Variants in KLHL15 observed in about 807,000 individuals in gnomAD.
KLHL15 encodes the protein kelch-like protein 15.
In KLHL15, 1 loss-of-function variant was observed where a neutral mutation model predicts 29.3. That is an observed-to-expected ratio of 0.03 (90% CI 0.01 to 0.16). KLHL15 has a LOEUF of 0.16. KLHL15 is among the 10% of genes least tolerant of loss of function. KLHL15 has a pLI of 1.00. For synonymous variants in KLHL15, 212 were observed against 184.5 expected, an observed-to-expected ratio of 1.15 and a Z score of -1.21; for missense variants, 215 against 478.5, an observed-to-expected ratio of 0.45 and a Z score of 5.14.
At chrX:24,026,944 A>G (rs1157310136) in intron 1 of KLHL15, among the ~76,000 whole-genome samples, 196 bp downstream of exon 1, 1 of 112,521 alleles carries the variant, frequency 8.9e-6, no homozygotes, top group Non-Finnish European at 1.9e-5. Context: ...ATCTATTACT[A>G]CATGACAAAT....
At chrX:24,025,486 C>G (rs917882582) in intron 1 of KLHL15, among the ~76,000 whole-genome samples, 1 of 104,253 alleles carries the variant, frequency 9.6e-6, no homozygotes, top group African/African-American at 3.5e-5. Context: ...AGTGCGCTGT[C>G]GTCTTGACGC....
chrX:24,017,779 CAAAAAAAAAAAA>C (rs531099917), intron 2 of KLHL15, among the ~76,000 whole-genome samples: 4 of 42,526 alleles, frequency 9.4e-5, no homozygotes, highest in Non-Finnish European at 1.3e-4. Flanking sequence ...GACCATGTCC[CAAAAAAAAAAAA>C]AAAAAAAAAA....
chrX:24,019,239 G>A (rs1160041269), intron 2 of KLHL15, among the ~76,000 whole-genome samples: 1 of 111,484 alleles, frequency 9.0e-6, no homozygotes. Context: ...ATGTTATTTA[G>A]GTTACCATGT....
At chrX:24,001,999 G>A (rs1414094446) in intron 3 of KLHL15, among the ~76,000 whole-genome samples, 4 of 107,508 alleles carry the variant, frequency 3.7e-5, no homozygotes, top group Admixed American at 1.0e-4. Flanking sequence ...CGGGCGTGGT[G>A]GCGGGCGCCT....
At chrX:24,003,647 ATGTG>A (rs10693389) in intron 3 of KLHL15, among the ~76,000 whole-genome samples, 17,743 of 96,334 alleles carry the variant, frequency 0.18, 1,387 homozygotes, top group South Asian at 0.5. Context: ...GCATAAATAT[ATGTG>A]TGTGTGTGTG....
intron 2 of KLHL15, among the ~76,000 whole-genome samples, chrX:24,017,583 C>T (rs952364071): frequency 3.7e-5 from 4 of 109,110 alleles, no homozygotes; most frequent in African/African-American, 1.0e-4. Flanking sequence ...GAGTTCGAGG[C>T]CAGCATGGGC....
chrX:24,019,376 C>T (rs1186703239), intron 2 of KLHL15, among the ~76,000 whole-genome samples: 1 of 111,038 alleles, frequency 9.0e-6, no homozygotes, highest in Non-Finnish European at 1.9e-5. Context: ...CTGCCTCAGC[C>T]TCCTGAGTAG....
chrX:24,007,731 A>T (rs1471572097), intron 2 of KLHL15, among the ~76,000 whole-genome samples: 1 of 109,538 alleles, frequency 9.1e-6, no homozygotes, highest in Non-Finnish European at 1.9e-5. Context: ...AAATTTACCT[A>T]AAGGAAATAT....
chrX:23,993,046 T>C lies in KLHL15; in HGVS notation c.706-4016A>G, dbSNP rs978467486. 4.5e-5 allele frequency among the ~76,000 whole-genome samples: 4 copies of C among 88,156 alleles called. No individual in the cohort carries two copies. The Admixed American group carries it at 4.8e-4, about 11-fold the overall frequency. 76.6% of individuals were successfully genotyped at this position (88,156 alleles called of 115,157 possible). A position where few individuals can be genotyped will look rare whatever the true frequency, so the allele number is the denominator to read the frequency against. ...GAAACAACCCTACTCCTGTTTGATT[T>C]CCATTCTTAGCTAATGTCTTATGCC... On this transcript the variant is annotated intron_variant, in intron 3 of 3. Transcript: ENST00000328046.
At chrX:24,022,564 G>T (rs1290495231) in intron 2 of KLHL15, among the ~76,000 whole-genome samples, 1 of 106,344 alleles carries the variant, frequency 9.4e-6, no homozygotes, top group Non-Finnish European at 1.9e-5. Context: ...AGGCCGGGAG[G>T]TGGAGGTTCC....
chrX:23,994,618 A>C (rs745630187), intron 3 of KLHL15, among the ~76,000 whole-genome samples: 11 of 112,024 alleles, frequency 9.8e-5, no homozygotes, highest in Non-Finnish European at 1.7e-4. Context: ...GTACTCTCAA[A>C]GAGGTATGGA....
At chrX:24,016,224 C>T (rs1300543936) in intron 2 of KLHL15, among the ~76,000 whole-genome samples, 1 of 102,640 alleles carries the variant, frequency 9.7e-6, no homozygotes, top group Non-Finnish European at 2.0e-5. Flanking sequence ...CCTGTAGTCC[C>T]AGCTACTTGG....
rs138420586 is a variant in KLHL15, at chrX:24,022,199, C to T, written c.-8+2658G>A. Among the ~76,000 whole-genome samples, 1,033 of 106,962 alleles carry T rather than the reference C, an allele frequency of 9.7e-3. 4 individuals are homozygous for T. The highest frequency in any genetic ancestry group is 0.014 in the Non-Finnish European group (732 of 51,821). The allele number at this position is 106,962 out of a possible 115,157, so 92.9% of individuals were successfully genotyped here. On this transcript the variant is annotated intron_variant, in intron 2 of 3. Coordinates refer to ENST00000328046, the MANE Select transcript of KLHL15 (RefSeq NM_030624.3). ...AAAATACAAAAATTAGTCAAGCATG[C>T]TGACGCGCATCTGTAATCCCAGTTA...
intron 2 of KLHL15, among the ~76,000 whole-genome samples, chrX:24,010,165 T>C (rs1045421213): frequency 9.0e-6 from 1 of 111,074 alleles, no homozygotes; most frequent in Non-Finnish European, 1.9e-5. Context: ...CACTTGGACC[T>C]GTTCCTGATC....
At chrX:24,017,287 G>C (rs1382693292) in intron 2 of KLHL15, among the ~76,000 whole-genome samples, 1 of 109,967 alleles carries the variant, frequency 9.1e-6, no homozygotes, top group African/African-American at 3.3e-5. Context: ...CAAAACCTCT[G>C]AAATCAGAGT....
intron 2 of KLHL15, among the ~76,000 whole-genome samples, chrX:24,023,207 C>T (rs1014784009): frequency 1.8e-5 from 2 of 111,575 alleles, no homozygotes; most frequent in Non-Finnish European, 3.8e-5. Flanking sequence ...CAAGCCTGCC[C>T]TGATCAAGGT....
chrX:24,020,524 C>G (rs923454135), intron 2 of KLHL15, among the ~76,000 whole-genome samples: 1 of 111,923 alleles, frequency 8.9e-6, no homozygotes, highest in Admixed American at 9.5e-5. Flanking sequence ...AGCCTCCAGA[C>G]TGGCACCAAA....
rs1273459194 is a variant in KLHL15 at position 23,986,637 on chromosome X, T to C, written c.*1284A>G. On this transcript the variant is annotated 3_prime_UTR_variant, in exon 4 of 4. Transcript: ENST00000328046. ...TTGTGGTTACTATCCTTCATGCTAA[T>C]AGCTTTCAGTAAATAAAACAAAAAC... The C allele has an allele frequency of 8.9e-6, 1 of 112,595 alleles. No individual in the cohort carries two copies. Among genetic ancestry groups the C allele is most frequent in the Non-Finnish European group, 1.9e-5 (1 of 53,286 alleles). The allele number at this position is 112,595 out of a possible 1,213,427, so 9.3% of individuals were successfully genotyped here.
intron 1 of KLHL15, among the ~76,000 whole-genome samples, chrX:24,025,327 G>A (rs1251931082): frequency 3.7e-5 from 4 of 109,271 alleles, no homozygotes; most frequent in Non-Finnish European, 5.8e-5. Context: ...CACCCACGCC[G>A]GGGGTGGAGG....
Sources: gnomAD v4.1 joint callset for allele counts (sites outside exome capture counted in the v4.1 genomes callset) on GRCh38, gnomAD v4.1.1 for gene constraint, MANE v1.5 for transcripts, NCBI Gene and HGNC (gene_info 2026-07-23, HGNC 2026-07-21) for gene names.